GRK5: variants seen among roughly 807,000 people sequenced by gnomAD.
The protein encoded by GRK5 is G protein-coupled receptor kinase 5, also known as g protein-coupled receptor kinase GRK5.
A neutral mutation model predicts 78.4 loss-of-function variants in GRK5; 40 were observed. The observed-to-expected ratio is 0.51, with a 90% confidence interval of 0.40 to 0.66. The LOEUF (loss-of-function observed/expected upper bound fraction) is 0.66, where lower values mean the gene tolerates loss of function less well. Ranked by LOEUF, GRK5 falls within the 30% of genes least tolerant of loss-of-function variation. The pLI, the probability that GRK5 is intolerant of heterozygous loss-of-function variation, is 0.00. For missense variants in GRK5, 598 were observed against 759.9 expected (o/e 0.79, Z 2.50); for synonymous variants, 289 against 296.8 (o/e 0.97, Z 0.27).
chr10:119,314,732 A>T (rs1469467108), intron 1 of GRK5, among the ~76,000 whole-genome samples: 1 of 152,088 alleles, frequency 6.6e-6, no homozygotes, highest in Non-Finnish European at 1.5e-5. Flanking sequence ...CAATCTGGGG[A>T]TAGTTACTGG....
At chr10:119,287,885 C>A (rs551004619) in intron 1 of GRK5, among the ~76,000 whole-genome samples, 3 of 152,244 alleles carry the variant, frequency 2.0e-5, no homozygotes, top group Non-Finnish European at 4.4e-5. Flanking sequence ...CAGGTAGACA[C>A]AGCCAGGAAG....
intron 2 of GRK5, among the ~76,000 whole-genome samples, chr10:119,339,379 C>T (rs1049051493): frequency 3.9e-5 from 6 of 152,162 alleles, no homozygotes; most frequent in African/African-American, 1.2e-4. Flanking sequence ...ACTCTGTTTA[C>T]GGAATTTATT....
At chr10:119,260,203 G>C (rs1311178395) in intron 1 of GRK5, among the ~76,000 whole-genome samples, 1 of 152,054 alleles carries the variant, frequency 6.6e-6, no homozygotes, top group East Asian at 1.9e-4. Context: ...GGGTTTCATC[G>C]TGTTAGCCAG....
intron 12 of GRK5, among the ~76,000 whole-genome samples, chr10:119,444,443 G>A (rs951660206): frequency 1.3e-5 from 2 of 152,146 alleles, no homozygotes; most frequent in Non-Finnish European, 2.9e-5. Context: ...GCCCCATGCC[G>A]GCCCTCAGGC....
intron 1 of GRK5, among the ~76,000 whole-genome samples, chr10:119,292,143 C>G (rs1177354045): frequency 1.8e-5 from 1 of 55,580 alleles, no homozygotes; most frequent in South Asian, 9.6e-4. Flanking sequence ...CCTCCTTCTC[C>G]TCCTCTTCCT....
chr10:119,384,046 C>A (rs1441428208), intron 3 of GRK5, among the ~76,000 whole-genome samples: 1 of 152,192 alleles, frequency 6.6e-6, no homozygotes, highest in East Asian at 1.9e-4. Flanking sequence ...TCCTGCCCAC[C>A]TTTTCACCGT....
intron 1 of GRK5, among the ~76,000 whole-genome samples, chr10:119,261,250 C>T (rs1451838989): frequency 4.1e-5 from 6 of 147,748 alleles, no homozygotes; most frequent in East Asian, 2.0e-4. Flanking sequence ...CACTCCTCAC[C>T]TCCCAGACGG....
intron 1 of GRK5, among the ~76,000 whole-genome samples, chr10:119,222,116 T>C (rs529447614): frequency 5.9e-5 from 9 of 152,302 alleles, no homozygotes; most frequent in African/African-American, 2.2e-4. Context: ...GTTAGTATTA[T>C]TCTAGTTTGA....
At chr10:119,357,876 C>G (rs561305594) in intron 2 of GRK5, among the ~76,000 whole-genome samples, 1 of 152,150 alleles carries the variant, frequency 6.6e-6, no homozygotes, top group Admixed American at 6.5e-5. Context: ...CTTCCTGACT[C>G]GGATGCCTTG....
chr10:119,448,312 C>G (rs751639254), intron 13 of GRK5, 52 bp downstream of exon 13: 3 of 1,550,912 alleles, frequency 1.9e-6, no homozygotes, highest in Non-Finnish European at 2.6e-6. Flanking sequence ...GTACCCAGGG[C>G]TGCCCCCGAG....
intron 11 of GRK5, among the ~76,000 whole-genome samples, chr10:119,442,989 A>G (rs1853068420): frequency 6.6e-6 from 1 of 152,210 alleles, no homozygotes; most frequent in Non-Finnish European, 1.5e-5. Context: ...CTCCTTTTGC[A>G]GAGTGTTCCA....
At chr10:119,358,984 A>G (rs1157464207) in intron 2 of GRK5, among the ~76,000 whole-genome samples, 2 of 152,142 alleles carry the variant, frequency 1.3e-5, no homozygotes, top group Non-Finnish European at 2.9e-5. Context: ...TGAAGAATTC[A>G]TTTAACCTTA....
intron 1 of GRK5, among the ~76,000 whole-genome samples, chr10:119,228,591 A>G (rs1490588513): frequency 6.6e-6 from 1 of 152,154 alleles, no homozygotes; most frequent in Non-Finnish European, 1.5e-5. Flanking sequence ...ATTGTGCTCC[A>G]GCCTGGGGTG....
At chr10:119,212,700 CA>C (rs1308621928) in intron 1 of GRK5, among the ~76,000 whole-genome samples, 3 of 152,068 alleles carry the variant, frequency 2.0e-5, no homozygotes, top group African/African-American at 7.2e-5. Context: ...TTCTGGTTAC[CA>C]AAAGGCATTA....
At chr10:119,214,779 C>T (rs1386220722) in intron 1 of GRK5, among the ~76,000 whole-genome samples, 1 of 152,194 alleles carries the variant, frequency 6.6e-6, no homozygotes, top group Non-Finnish European at 1.5e-5. Context: ...CCTTGGCCTC[C>T]CAAAATGTTG....
rs1272901559 is a variant in GRK5, at chr10:119,457,472, C to T, written c.*2405C>T. On this transcript the variant is annotated 3_prime_UTR_variant, in exon 16 of 16. Transcript: ENST00000392870. ...AACTTGAGTCTTCCATCATGTTTGC[C>T]ACCAGCCCTCCCTGAGTGCCCAGAG... 2 of 152,164 alleles carry T rather than the reference C, an allele frequency of 1.3e-5. No individual in the cohort carries two copies. Among genetic ancestry groups the T allele is most frequent in the East Asian group, 3.9e-4 (2 of 5,188 alleles). The allele number at this position is 152,164 out of a possible 1,614,324, so 9.4% of individuals were successfully genotyped here. A position where few individuals can be genotyped will look rare whatever the true frequency, so the allele number is the denominator to read the frequency against.
intron 1 of GRK5, among the ~76,000 whole-genome samples, chr10:119,283,761 G>GC (rs1180478203): frequency 6.6e-6 from 1 of 152,222 alleles, no homozygotes; most frequent in Non-Finnish European, 1.5e-5. Flanking sequence ...AATGTGGCTT[G>GC]CTCAAGGTCA....
intron 1 of GRK5, among the ~76,000 whole-genome samples, chr10:119,224,172 AAAAC>A (rs200105023): frequency 2.6e-5 from 4 of 152,168 alleles, no homozygotes; most frequent in South Asian, 2.1e-4. Context: ...TGTCTCTTAA[AAAAC>A]AAACAAACAA....
At chr10:119,423,528 A>G (rs1304614241) in intron 5 of GRK5, among the ~76,000 whole-genome samples, 3 of 152,074 alleles carry the variant, frequency 2.0e-5, no homozygotes, top group East Asian at 3.9e-4. Flanking sequence ...CAAACATTTG[A>G]CCCTGTCTGG....
Sources: allele counts gnomAD v4.1 joint callset (sites outside exome capture counted in the v4.1 genomes callset), GRCh38; gene constraint gnomAD v4.1.1; transcripts MANE v1.5; gene names NCBI Gene and HGNC (gene_info 2026-07-23, HGNC 2026-07-21).